UGGT1: variants seen among roughly 807,000 people sequenced by gnomAD.
UGGT1 encodes UDP-glucose:glycoprotein glucosyltransferase 1.
A neutral mutation model predicts 203.9 loss-of-function variants in UGGT1; 107 were observed. The ratio of observed to expected loss-of-function variants is 0.52; its 90% CI spans 0.45 to 0.62. UGGT1 has a LOEUF of 0.62. Ranked by LOEUF, UGGT1 falls within the 20% of genes least tolerant of loss-of-function variation. The probability of loss-of-function intolerance (pLI) is 0.00; values close to 1 mark genes in which losing one functional copy is unlikely to be tolerated. For synonymous variants in UGGT1, 628 were observed against 653.5 expected (o/e 0.96, Z 0.59); for missense variants, 1,673 against 1,867.2 (o/e 0.90, Z 1.92).
intron 1 of UGGT1, among the ~76,000 whole-genome samples, chr2:128,096,133 T>C (rs1036194286): frequency 6.6e-6 from 1 of 152,200 alleles, no homozygotes; most frequent in African/African-American, 2.4e-5. Flanking sequence ...CTTGACAGGC[T>C]TGGAGCGGCT....
At chr2:128,097,688 G>C in intron 2 of UGGT1, 124 bp downstream of exon 2, 1 of 1,256,204 alleles carries the variant, frequency 8.0e-7, no homozygotes, top group South Asian at 1.4e-5. Flanking sequence ...GCCTCTTTCA[G>C]TGTATACTGT....
At position 128,145,896 on chromosome 2, in the gene UGGT1, G is replaced by A. The variant is rs184357323; in HGVS notation, c.1945G>A (p.Asp649Asn). 2 of 1,614,180 alleles carry A rather than the reference G, an allele frequency of 1.2e-6. No homozygotes were observed. Among genetic ancestry groups the A allele is most frequent in the South Asian group, 1.1e-5 (1 of 91,078 alleles). The change falls in exon 18 of 41, where the codon GAT (aspartate) becomes AAT (asparagine). Residue 649 changes from aspartate to asparagine, a missense_variant. Physicochemically the swap from Asp to Asn is conservative, Grantham distance 23 (BLOSUM62 1). Transcript: ENST00000259253. The part of the protein sequence containing the change: ...MPFEREQLDP[D>N]ELETITMHKI... ...CTTTGAAAGGGAACAGCTAGACCCT[G>A]ATGAGTTAGAAACCATCACAATGCA...
chr2:128,136,581 A>G (rs1371731758), intron 15 of UGGT1, among the ~76,000 whole-genome samples: 2 of 152,158 alleles, frequency 1.3e-5, no homozygotes, highest in Non-Finnish European at 2.9e-5. Context: ...CATTATGTGG[A>G]TGTCCCCCCA....
In UGGT1 at chr2:128,161,147, C is replaced by T. The variant is rs1690508872; in HGVS notation, c.2704C>T (p.Pro902Ser). 3 of 1,613,714 alleles carry T rather than the reference C, an allele frequency of 1.9e-6. No individual in the cohort carries two copies. The highest frequency in any genetic ancestry group is 2.7e-5 in the African/African-American group (2 of 74,890). Residue 902 changes from proline to serine, a missense_variant, in exon 25 of 41, where the codon CCA (proline) becomes TCA (serine). Coordinates refer to ENST00000259253, the MANE Select transcript of UGGT1 (RefSeq NM_020120.4). ...AVISNGRIIG[P>S]LEDSELFNQD... The stretch of plus-strand genomic sequence containing the variant: ...CTTCTCTCCTTCACAGATCATTGGG[C>T]CACTGGAGGATAGTGAGCTCTTTAA...
At chr2:128,138,971 A>C in intron 16 of UGGT1, 119 bp downstream of exon 16, 1 of 1,304,070 alleles carries the variant, frequency 7.7e-7, no homozygotes, top group East Asian at 2.3e-5. Flanking sequence ...TGGGTCCTGA[A>C]TTTAAAAGTC....
chr2:128,171,980 G>T (rs929545347), intron 28 of UGGT1, among the ~76,000 whole-genome samples: 3 of 152,182 alleles, frequency 2.0e-5, no homozygotes, highest in African/African-American at 7.2e-5. Context: ...ACTTGCCAGT[G>T]TGCTGTGTTT....
chr2:128,105,966 T>C (rs936820873), intron 3 of UGGT1, among the ~76,000 whole-genome samples: 1 of 152,092 alleles, frequency 6.6e-6, no homozygotes, highest in African/African-American at 2.4e-5. Context: ...CCTGGCTAAT[T>C]TTTAAATTTT....
intron 1 of UGGT1, among the ~76,000 whole-genome samples, chr2:128,097,217 A>T (rs934640172): frequency 1.3e-5 from 2 of 152,092 alleles, no homozygotes; most frequent in African/African-American, 4.8e-5. Context: ...TCTACTAAAG[A>T]TACACAAAAT....
At chr2:128,138,960 G>C in intron 16 of UGGT1, 108 bp downstream of exon 16, 1 of 1,411,672 alleles carries the variant, frequency 7.1e-7, no homozygotes, top group South Asian at 1.3e-5. Context: ...GAGCTCAGGG[G>C]TGGGTCCTGA....
intron 26 of UGGT1, among the ~76,000 whole-genome samples, chr2:128,167,351 G>A (rs1459739678): frequency 6.6e-6 from 1 of 152,066 alleles, no homozygotes; most frequent in East Asian, 1.9e-4. Flanking sequence ...CCTCTTATTG[G>A]GAGTTGTGTC....
Position 128,180,777 on chromosome 2 carries a change from G to C in UGGT1, c.3901-113G>C, listed in dbSNP as rs181534051. The stretch of plus-strand genomic sequence containing the variant: ...CACGGCCGGTCTTTGTAAGACCACT[G>C]TTTTGGTAAATGTGTTTTATTTGTC... On this transcript the variant is annotated intron_variant, in intron 35 of 40. Transcript: ENST00000259253. 1.5e-5 allele frequency: 17 copies of C among 1,139,210 alleles called. No individual in the cohort carries two copies. In the African/African-American group the frequency reaches 2.5e-4, roughly 17 times the overall value. The allele number at this position is 1,139,210 out of a possible 1,614,324, so 70.6% of individuals were successfully genotyped here. A position where few individuals can be genotyped will look rare whatever the true frequency, so the allele number is the denominator to read the frequency against.
Position 128,172,588 on chromosome 2 carries a change from C to T in UGGT1, c.3120C>T (p.Val1040=). Residue 1040 remains valine, a synonymous_variant, in exon 29 of 41, where the codon GTC becomes GTT. Transcript: ENST00000259253. ...DMPLKSFYRY[V]LEPEISFTSD... ...TCAATTTCAGCTTTTACCGTTATGT[C>T]TTAGAACCAGAGATTTCTTTCACTT... 1.2e-6 allele frequency: 2 copies of T among 1,614,072 alleles called. No homozygotes were observed. Among genetic ancestry groups the T allele is most frequent in the African/African-American group, 2.7e-5 (2 of 75,056 alleles).
intron 22 of UGGT1, 123 bp from the exon 23 acceptor site, chr2:128,159,391 G>A (rs1465345957): frequency 6.4e-5 from 59 of 920,306 alleles, no homozygotes; most frequent in Non-Finnish European, 8.4e-5. Flanking sequence ...GAGCCACTGC[G>A]CCCGGCCTGA....
At chr2:128,110,902 T>C (rs1687817397) in intron 5 of UGGT1, among the ~76,000 whole-genome samples, 1 of 152,226 alleles carries the variant, frequency 6.6e-6, no homozygotes. Context: ...TAAGGCTATA[T>C]GGAGCATCTG....
intron 29 of UGGT1, 145 bp downstream of exon 29, chr2:128,172,907 C>T (rs1338529040): frequency 2.6e-5 from 20 of 755,138 alleles, no homozygotes; most frequent in Non-Finnish European, 4.2e-5. Context: ...ACTCATATAC[C>T]ATAAAATTCT....
chr2:128,106,416 A>G, intron 3 of UGGT1, among the ~76,000 whole-genome samples: 1 of 152,308 alleles, frequency 6.6e-6, no homozygotes, highest in African/African-American at 2.4e-5. Context: ...TGCCACCCAA[A>G]GATTGACACC....
At chr2:128,128,555 G>A (rs996278278) in intron 12 of UGGT1, among the ~76,000 whole-genome samples, 4 of 151,886 alleles carry the variant, frequency 2.6e-5, no homozygotes, top group Non-Finnish European at 4.4e-5. Flanking sequence ...CTTGTGATCC[G>A]CCCGCCTTGG....
intron 39 of UGGT1, 60 bp from the exon 40 acceptor site, chr2:128,187,389 A>G: frequency 4.6e-6 from 7 of 1,526,638 alleles, no homozygotes; most frequent in Non-Finnish European, 5.4e-6. Flanking sequence ...AGAACCTTTG[A>G]ATTCTCTATC....
rs781345954 is a variant in UGGT1 at position 128,107,996 on chromosome 2, C to T, written c.336C>T (p.Pro112=). 1 of 1,614,122 alleles carries T rather than the reference C, an allele frequency of 6.2e-7. No individual in the cohort carries two copies. The highest frequency in any genetic ancestry group is 2.2e-5 in the East Asian group (1 of 44,878). ...AGGCTGCATTTCAGTTTCTGTCACC[C>T]CTCCAGCAGAATTTGTTTAAATTTT... ...ILEAAFQFLS[P]LQQNLFKFCL... The change falls in exon 4 of 41, where the codon CCC becomes CCT. Residue 112 remains proline (P), a synonymous_variant. Coordinates refer to ENST00000259253, the MANE Select transcript of UGGT1 (RefSeq NM_020120.4).
Sources: gnomAD v4.1 joint callset for allele counts (sites outside exome capture counted in the v4.1 genomes callset) on GRCh38, gnomAD v4.1.1 for gene constraint, MANE v1.5 for transcripts, NCBI Gene and HGNC (gene_info 2026-07-23, HGNC 2026-07-21) for gene names.